YEATS2: variants seen among roughly 807,000 people sequenced by gnomAD.
YEATS2 encodes the protein YEATS domain containing 2.
A neutral mutation model predicts 163.2 loss-of-function variants in YEATS2; 77 were observed. The ratio of observed to expected loss-of-function variants is 0.47; its 90% CI spans 0.39 to 0.57. The LOEUF (loss-of-function observed/expected upper bound fraction) is 0.57, where lower values mean the gene tolerates loss of function less well. Among genes scored for constraint, YEATS2 ranks in the 20% least tolerant of loss-of-function variants. The pLI, the probability that YEATS2 is intolerant of heterozygous loss-of-function variation, is 0.00. For synonymous variants in YEATS2, 631 were observed against 645.1 expected (o/e 0.98, Z 0.33); for missense variants, 1,549 against 1,729.8 (o/e 0.90, Z 1.85).
At chr3:183,785,135 C>T (rs1189036352) in intron 19 of YEATS2, among the ~76,000 whole-genome samples, 1 of 151,808 alleles carries the variant, frequency 6.6e-6, no homozygotes, top group Non-Finnish European at 1.5e-5. Flanking sequence ...AATTTGTATC[C>T]AGCCTGGGCA....
At chr3:183,720,396 T>G (rs574856861) in intron 4 of YEATS2, among the ~76,000 whole-genome samples, 1 of 152,322 alleles carries the variant, frequency 6.6e-6, no homozygotes, top group East Asian at 1.9e-4. Flanking sequence ...TTTTACTTTC[T>G]TTTTCCTAAG....
rs777869236 is a variant in YEATS2 at position 183,758,970 on chromosome 3, CA to C, written c.1656+6del. 2 of 1,511,266 alleles carry C rather than the reference CA, an allele frequency of 1.3e-6. No individual in the cohort carries two copies. The highest frequency in any genetic ancestry group is 1.7e-4 in the Middle Eastern group (1 of 5,842). 93.6% of individuals were successfully genotyped at this position (1,511,266 alleles called of 1,614,324 possible). A position where few individuals can be genotyped will look rare whatever the true frequency, so the allele number is the denominator to read the frequency against. ...TTTGTAACATCTACTGTCAAGGTAACATTCTTACTGCGTTATTACACTTTGC... is the reference window on the plus strand; with the variant it reads ...TTTGTAACATCTACTGTCAAGGTAACTTCTTACTGCGTTATTACACTTTGC... On this transcript the variant is annotated splice_donor_region_variant and intron_variant, in intron 13 of 30. Transcript: ENST00000305135.
At chr3:183,805,625 C>CA (rs1726111405) in intron 27 of YEATS2, among the ~76,000 whole-genome samples, 1 of 151,624 alleles carries the variant, frequency 6.6e-6, no homozygotes, top group South Asian at 2.1e-4. Context: ...CTTGCCTCTA[C>CA]AAAAAATGCA....
At chr3:183,754,936 T>G (rs941577892) in intron 11 of YEATS2, among the ~76,000 whole-genome samples, 1 of 152,170 alleles carries the variant, frequency 6.6e-6, no homozygotes, top group African/African-American at 2.4e-5. Context: ...TTTTGACTGT[T>G]CCACCTTAGA....
intron 26 of YEATS2, chr3:183,803,782 A>C (rs1156305562): frequency 1.7e-6 from 1 of 597,844 alleles, no homozygotes; most frequent in Admixed American, 3.2e-5. Context: ...TTAAAGGCCA[A>C]ACCTAGGAGT....
At chr3:183,711,470 CAAAAAAAAA>C (rs532093071) in intron 1 of YEATS2, among the ~76,000 whole-genome samples, 1 of 70,820 alleles carries the variant, frequency 1.4e-5, no homozygotes, top group African/African-American at 5.1e-5. Context: ...GACTCTGTCT[CAAAAAAAAA>C]AAAAAAAAAG....
intron 27 of YEATS2, chr3:183,806,548 G>A (rs758314978): frequency 9.3e-5 from 41 of 443,046 alleles, no homozygotes; most frequent in Admixed American, 1.5e-4. Flanking sequence ...TTTGAGATGA[G>A]GAAAAATCAG....
intron 15 of YEATS2, among the ~76,000 whole-genome samples, chr3:183,770,682 G>A (rs1722369353): frequency 6.6e-6 from 1 of 152,102 alleles, no homozygotes; most frequent in South Asian, 2.1e-4. Flanking sequence ...CACTCCATGC[G>A]CTTATTACAT....
intron 8 of YEATS2, among the ~76,000 whole-genome samples, chr3:183,746,631 T>C (rs1719565090): frequency 6.6e-6 from 1 of 150,836 alleles, no homozygotes; most frequent in Admixed American, 6.7e-5. Context: ...CTGGAGACTG[T>C]GAAAATGGAT....
intron 23 of YEATS2, 100 bp downstream of exon 23, chr3:183,799,089 A>G (rs1725429645): frequency 1.1e-6 from 1 of 879,830 alleles, no homozygotes; most frequent in African/African-American, 1.7e-5. Flanking sequence ...GCGGGACATT[A>G]CCATAATCTG....
At chr3:183,800,239 G>C (rs140818994) in intron 23 of YEATS2, among the ~76,000 whole-genome samples, 1 of 152,106 alleles carries the variant, frequency 6.6e-6, no homozygotes, top group Non-Finnish European at 1.5e-5. Context: ...TATTGCAGCC[G>C]CCCTGTCATG....
At chr3:183,809,570 C>G (rs151163453) in intron 30 of YEATS2, 2 of 156,454 alleles carry the variant, frequency 1.3e-5, no homozygotes, top group Admixed American at 6.4e-5. Context: ...ATCAGGAAAC[C>G]GGGCTTTGAA....
At chr3:183,712,214 T>TTATGTTATGTTATGTTATGTTACA (rs1715312578) in intron 1 of YEATS2, among the ~76,000 whole-genome samples, 33 of 103,130 alleles carry the variant, frequency 3.2e-4, no homozygotes, top group African/African-American at 1.2e-3. Flanking sequence ...TTTATTTTAT[T>TTATGTTATGTTATGTTATGTTACA]TTATTTTATT....
intron 26 of YEATS2, 178 bp from the exon 27 acceptor site, chr3:183,803,809 T>G: frequency 3.1e-6 from 2 of 647,964 alleles, no homozygotes; most frequent in Non-Finnish European, 5.2e-6. Context: ...TTTATTGTAT[T>G]AGCATTAGGG....
intron 16 of YEATS2, among the ~76,000 whole-genome samples, chr3:183,772,770 C>CACAT (rs1478739627): frequency 6.6e-6 from 1 of 151,406 alleles, no homozygotes; most frequent in African/African-American, 2.4e-5. Context: ...CACACACACA[C>CACAT]ACACACACCC....
chr3:183,748,970 TCTCA>T (rs1262133071), intron 9 of YEATS2, among the ~76,000 whole-genome samples: 2 of 151,788 alleles, frequency 1.3e-5, no homozygotes, highest in African/African-American at 4.8e-5. Flanking sequence ...TGAGACAGAG[TCTCA>T]CTCTGTCGCC....
intron 1 of YEATS2, among the ~76,000 whole-genome samples, chr3:183,706,732 C>T (rs1218328069): frequency 6.6e-6 from 1 of 152,178 alleles, no homozygotes; most frequent in Non-Finnish European, 1.5e-5. Flanking sequence ...AGGAGAATCG[C>T]TTGAACCCGG....
At chr3:183,740,760 T>A (rs1308566333) in intron 8 of YEATS2, among the ~76,000 whole-genome samples, 1 of 152,198 alleles carries the variant, frequency 6.6e-6, no homozygotes, top group Non-Finnish European at 1.5e-5. Flanking sequence ...ATCCAGAAGA[T>A]CCAGCTAAGA....
chr3:183,700,983 T>C (rs947529174), intron 1 of YEATS2, among the ~76,000 whole-genome samples: 21 of 151,952 alleles, frequency 1.4e-4, no homozygotes, highest in African/African-American at 4.8e-4. Context: ...TGGTGATTTT[T>C]GTGCAACTTT....
Sources: allele counts gnomAD v4.1 joint callset (sites outside exome capture counted in the v4.1 genomes callset), GRCh38; gene constraint gnomAD v4.1.1; transcripts MANE v1.5; gene names NCBI Gene and HGNC (gene_info 2026-07-23, HGNC 2026-07-21).